The following HJV variants were observed in gnomAD, a reference collection of about 807,000 sequenced individuals.
The protein encoded by HJV is hemojuvelin.
In HJV, 18 loss-of-function variants were observed where a neutral mutation model predicts 22.7. That is an observed-to-expected ratio of 0.79 (90% CI 0.55 to 1.18). The LOEUF (loss-of-function observed/expected upper bound fraction) is 1.18, where lower values mean the gene tolerates loss of function less well. Among genes scored for constraint, HJV ranks in the 50% most tolerant of loss-of-function variants. HJV has a pLI of 0.00. For synonymous variants in HJV, 229 were observed against 222.7 expected (o/e 1.03, Z -0.25); for missense variants, 572 against 553.0 (o/e 1.03, Z -0.34).
rs1652608928 is a variant in HJV at position 146,019,864 on chromosome 1, C to T, written c.98-130G>A. The T allele has an allele frequency of 2.8e-6, 4 of 1,407,690 alleles. No homozygotes were observed. The South Asian group carries it at 4.8e-5, about 17-fold the overall frequency. 87.2% of individuals were successfully genotyped at this position (1,407,690 alleles called of 1,614,324 possible). On this transcript the variant is annotated intron_variant, in intron 2 of 3. Transcript: ENST00000336751. ...TTCCTAAAACCTAACTAAGGGCCTTCCCCAGCCCCCAACCCCCTAGTCCCT... is the reference window on the plus strand; with the variant it reads ...TTCCTAAAACCTAACTAAGGGCCTTTCCCAGCCCCCAACCCCCTAGTCCCT...
intron 1 of HJV, 141 bp downstream of exon 1, chr1:146,021,446 G>C (rs587702215): frequency 6.5e-6 from 1 of 152,824 alleles, no homozygotes; most frequent in East Asian, 1.9e-4. Flanking sequence ...GACAGAAAGA[G>C]AAATGGAGAT....
At position 146,019,543 on chromosome 1, in the gene HJV, A is replaced by C. The variant is rs1553769746; in HGVS notation, c.289T>G (p.Cys97Gly). Residue 97 changes from cysteine to glycine, a missense_variant, in exon 3 of 4, where the codon TGC becomes GGC. By Grantham distance (159) the Cys-to-Gly change is radical (BLOSUM62 -3). Coordinates refer to ENST00000336751, the MANE Select transcript of HJV (RefSeq NM_213653.4). The stretch of plus-strand genomic sequence containing the variant: ...GAATGGAAGGCGAGGTCCCCGCGGC[A>C]GGTGCGGGCGGTGCGCCGAGTGCAG... ...ALCTRRTART[C>G]RGDLAFHSAV... 1 of 1,613,056 alleles carries C rather than the reference A, an allele frequency of 6.2e-7. No individual in the cohort carries two copies.
chr1:146,020,283 C>G lies in HJV; in HGVS notation c.-52G>C. On this transcript the variant is annotated 5_prime_UTR_variant, in exon 2 of 4. Transcript: ENST00000336751. ...CCGGTTCTTCCCAGCTGATGACCCT[C>G]CTACCTAGTGAATTTTGACCGGAAG... 1 of 1,165,732 alleles carries G rather than the reference C, an allele frequency of 8.6e-7. No homozygotes were observed. Among genetic ancestry groups the G allele is most frequent in the Non-Finnish European group, 1.3e-6 (1 of 770,868 alleles). 72.2% of individuals were successfully genotyped at this position (1,165,732 alleles called of 1,614,324 possible).
At position 146,018,543 on chromosome 1, in the gene HJV, T is replaced by C. The variant is rs782080217; in HGVS notation, c.815A>G (p.Asn272Ser). 1 of 1,614,170 alleles carries C rather than the reference T, an allele frequency of 6.2e-7. No homozygotes were observed. Among genetic ancestry groups the C allele is most frequent in the Non-Finnish European group, 8.5e-7 (1 of 1,180,034 alleles). Residue 272 changes from asparagine (N) to serine (S), a missense_variant, in exon 4 of 4, where the codon AAC becomes AGC. Asn to Ser is a conservative substitution (Grantham distance 46). Transcript: ENST00000336751. ...GTAGGCAGCTTGGATCTCCACATGG[T>C]TCCCAGGGTTAGCAGTTTGAATCGA... ...SLSIQTANPGNHVEIQAAYIG... is the reference protein window; with the variant it reads ...SLSIQTANPGSHVEIQAAYIG...
In HJV at chr1:146,020,323, G is replaced by GA. The variant is rs2101986717; in HGVS notation, c.-89-4dup. 2.4e-6 allele frequency: 2 copies of GA among 830,660 alleles called. No individual in the cohort carries two copies. Among genetic ancestry groups the GA allele is most frequent in the South Asian group, 2.7e-5 (2 of 74,204 alleles). 51.5% of individuals were successfully genotyped at this position (830,660 alleles called of 1,614,324 possible). The stretch of plus-strand genomic sequence containing the variant: ...TTGACCGGAAGCCCTGTAAGTGACT[G>GA]AAAAAAGAAATTTGGCTGGACATGG... On this transcript the variant is annotated splice_region_variant and splice_polypyrimidine_tract_variant and intron_variant, in intron 1 of 3. Transcript: ENST00000336751.
rs999927971 is a variant in HJV, at chr1:146,019,319, C to G, written c.513G>C (p.Gly171=). 2.5e-6 allele frequency: 4 copies of G among 1,613,690 alleles called. No individual in the cohort carries two copies. In the African/African-American group the frequency reaches 4.0e-5, roughly 16 times the overall value. ...GGTGGAAGCTGCGCACATGGGGGTCCCCGAAGGAAGCGCAATGCAAGAACC... is the reference window on the plus strand; with the variant it reads ...GGTGGAAGCTGCGCACATGGGGGTCGCCGAAGGAAGCGCAATGCAAGAACC... ...PPGFLHCASF[G]DPHVRSFHHH... Residue 171 remains glycine (G), a synonymous_variant, in exon 3 of 4, where the codon GGG becomes GGC. Transcript: ENST00000336751.
chr1:146,019,642 C>T lies in HJV; in HGVS notation c.190G>A (p.Gly64Arg), dbSNP rs1652591882. 2 of 1,613,982 alleles carry T rather than the reference C, an allele frequency of 1.2e-6. No homozygotes were observed. The highest frequency in any genetic ancestry group is 1.7e-6 in the Non-Finnish European group (2 of 1,179,986). ...CCACCCCGGCCTCCTCCTCCTCCTC[C>T]TCGAAGTGCTCCTGATGAACCCCCA... ...RGGGSSGALR[G>R]GGGGGRGGGV... The change falls in exon 3 of 4, where the codon GGA becomes AGA. Residue 64 changes from glycine (G) to arginine (R), a missense_variant. Gly to Arg is a moderately radical substitution (Grantham distance 125, BLOSUM62 -2). Transcript: ENST00000336751.
chr1:146,019,591 G>A lies in HJV; in HGVS notation c.241C>T (p.Arg81Ter). 2.5e-6 allele frequency: 4 copies of A among 1,613,584 alleles called. No homozygotes were observed. The highest frequency in any genetic ancestry group is 2.5e-6 in the Non-Finnish European group (3 of 1,179,998). Residue 81 changes from arginine to a stop codon, truncating the protein, a stop_gained, in exon 3 of 4, where the codon CGA becomes TGA. Transcript: ENST00000336751. LOFTEE classifies it high-confidence loss of function. ...CAGAGCGCATAGGAGCGGAGGGCTC[G>A]ACAGAGGCCGCCAGAGCCCACCCCT... ...GGGVGSGGLC[R>*]ALRSYALCTR... is the part of the protein sequence containing the mutation.
Position 146,019,427 on chromosome 1 carries a change from A to G in HJV, c.405T>C (p.Leu135=), listed in dbSNP as rs1553769717. The G allele has an allele frequency of 6.2e-6, 10 of 1,612,304 alleles. No homozygotes were observed. The highest frequency in any genetic ancestry group is 8.5e-6 in the Non-Finnish European group (10 of 1,179,382). ...CAGGGAGGCCGGAGCCCGCGCCTGG[A>G]AGGGCGGGGCCCCGGGGCGGGGGAG... The part of the protein sequence containing the change: ...TAPPPPRGPA[L]PGAGSGLPAP... The change falls in exon 3 of 4, where the codon CTT becomes CTC. Residue 135 remains leucine, a synonymous_variant. Coordinates refer to ENST00000336751, the MANE Select transcript of HJV (RefSeq NM_213653.4).
At position 146,019,648 on chromosome 1, in the gene HJV, G is replaced by C. The variant is rs1553769780; in HGVS notation, c.184C>G (p.Leu62Val). 2.0e-5 allele frequency: 32 copies of C among 1,613,532 alleles called. No homozygotes were observed. Among genetic ancestry groups the C allele is most frequent in the Non-Finnish European group, 2.7e-5 (32 of 1,179,796 alleles). Residue 62 changes from leucine (L) to valine (V), a missense_variant, in exon 3 of 4, where the codon CTT becomes GTT. Physicochemically the swap from Leu to Val is conservative, Grantham distance 32. Coordinates refer to ENST00000336751, the MANE Select transcript of HJV (RefSeq NM_213653.4). The part of the protein sequence containing the change: ...SLRGGGSSGA[L>V]RGGGGGGRGG... ...CGGCCTCCTCCTCCTCCTCCTCGAA[G>C]TGCTCCTGATGAACCCCCACCTCTA... is the stretch of plus-strand genomic sequence containing the variant.
Position 146,018,609 on chromosome 1 carries a change from C to G in HJV, c.749G>C (p.Gly250Ala). The G allele has an allele frequency of 6.2e-7, 1 of 1,614,196 alleles. No homozygotes were observed. The highest frequency in any genetic ancestry group is 8.5e-7 in the Non-Finnish European group (1 of 1,180,004). The change falls in exon 4 of 4, where the codon GGT (glycine) becomes GCT (alanine). Residue 250 changes from glycine (G) to alanine (A), a missense_variant. By Grantham distance (60) the Gly-to-Ala change is moderately conservative. Transcript: ENST00000336751. ...VDNLPVAFED[G>A]SINGGDRPGG... ...AGGTCGGTCACCTCCATTGATAGAACCATCTTCAAAGGCTACAGGAAGATT... is the reference window on the plus strand; with the variant it reads ...AGGTCGGTCACCTCCATTGATAGAAGCATCTTCAAAGGCTACAGGAAGATT...
rs1553769435 is a variant in HJV at position 146,018,369 on chromosome 1, G to A, written c.989C>T (p.Ser330Leu). 1 of 1,614,066 alleles carries A rather than the reference G, an allele frequency of 6.2e-7. No homozygotes were observed. The highest frequency in any genetic ancestry group is 1.3e-5 in the African/African-American group (1 of 74,918). The part of the protein sequence containing the change: ...GCPPSQRLSR[S>L]ERNRRGAITI... The stretch of plus-strand genomic sequence containing the variant: ...TATAGCTCCCCGACGATTGCGCTCT[G>A]ATCGAGAGAGTCGCTGACTTGGAGG... Residue 330 changes from serine to leucine, a missense_variant, in exon 4 of 4, where the codon TCA (serine) becomes TTA (leucine). Coordinates refer to ENST00000336751, the MANE Select transcript of HJV (RefSeq NM_213653.4).
rs781930647 is a variant in HJV, at chr1:146,019,209, A to T, written c.623T>A (p.Met208Lys). The change falls in exon 3 of 4, where the codon ATG becomes AAG. Residue 208 changes from methionine to lysine, a missense_variant. Physicochemically the swap from Met to Lys is moderately conservative, Grantham distance 95 (BLOSUM62 -1). Transcript: ENST00000336751. Reference sequence around the variant, plus strand: ...GGCGGTAGCGTTGGCCCCCAACGCCATGGGGGAGCTGGTGGCTTGGACAAA... The same window carrying T: ...GGCGGTAGCGTTGGCCCCCAACGCCTTGGGGGAGCTGGTGGCTTGGACAAA... ...FLFVQATSSP[M>K]ALGANATATR... The T allele has an allele frequency of 6.2e-7, 1 of 1,613,998 alleles. No homozygotes were observed. Among genetic ancestry groups the T allele is most frequent in the African/African-American group, 1.3e-5 (1 of 74,932 alleles).
chr1:146,019,393 G>A lies in HJV; in HGVS notation c.439C>T (p.Pro147Ser), dbSNP rs941489205. The A allele has an allele frequency of 1.2e-6, 2 of 1,613,514 alleles. No individual in the cohort carries two copies. Among genetic ancestry groups the A allele is most frequent in the Admixed American group, 3.3e-5 (2 of 59,988 alleles). The change falls in exon 3 of 4, where the codon CCT (proline) becomes TCT (serine). Residue 147 changes from proline (P) to serine (S), a missense_variant. Coordinates refer to ENST00000336751, the MANE Select transcript of HJV (RefSeq NM_213653.4). ...GAAAACCGGCCTTCATAGTCACAAGGGTCCGGGGCAGGGAGGCCGGAGCCC... is the reference window on the plus strand; with the variant it reads ...GAAAACCGGCCTTCATAGTCACAAGAGTCCGGGGCAGGGAGGCCGGAGCCC... ...GAGSGLPAPD[P>S]CDYEGRFSRL...
intron 1 of HJV, among the ~76,000 whole-genome samples, chr1:146,020,816 C>T (rs587605503): frequency 2.0e-5 from 3 of 152,286 alleles, no homozygotes; most frequent in African/African-American, 7.2e-5. Context: ...ATACCCATCC[C>T]GTCTAGAATA....
chr1:146,018,873 C>T (rs782288194), intron 3 of HJV, among the ~76,000 whole-genome samples, 173 bp from the exon 4 acceptor site: 1 of 152,186 alleles, frequency 6.6e-6, no homozygotes, highest in Non-Finnish European at 1.5e-5. Flanking sequence ...CCCTACTTAA[C>T]CCCCTCTCTA....
At chr1:146,021,305 CG>C (rs1178573844) in intron 1 of HJV, among the ~76,000 whole-genome samples, 1 of 152,072 alleles carries the variant, frequency 6.6e-6, no homozygotes. Flanking sequence ...GAATAGAGGA[CG>C]TAGGGAACTC....
Position 146,020,177 on chromosome 1 carries a change from T to C in HJV, c.55A>G (p.Thr19Ala), listed in dbSNP as rs781981862. 3.1e-6 allele frequency: 5 copies of C among 1,613,180 alleles called. No homozygotes were observed. The East Asian group carries it at 8.9e-5, about 29-fold the overall frequency. ...SPRSSHGSPP[T>A]LSTLTLLLLL... ...AGCAGGAGAGTGAGAGTGCTTAGAG[T>C]TGGGGGACTGCCATGGGAGGACCTG... Residue 19 changes from threonine to alanine, a missense_variant, in exon 2 of 4, where the codon ACT becomes GCT. Coordinates refer to ENST00000336751, the MANE Select transcript of HJV (RefSeq NM_213653.4).
chr1:146,020,204 G>A lies in HJV; in HGVS notation c.28C>T (p.Pro10Ser), dbSNP rs1652637741. ...GGGGGACTGCCATGGGAGGACCTGG[G>A]ACTAGGGGACTGGCCTGGCTCCCCC... Reference protein sequence around the residue: MGEPGQSPSPRSSHGSPPTL... With the variant: MGEPGQSPSSRSSHGSPPTL... The change falls in exon 2 of 4, where the codon CCC (proline) becomes TCC (serine). Residue 10 changes from proline to serine, a missense_variant. Transcript: ENST00000336751. The A allele has an allele frequency of 6.2e-7, 1 of 1,613,128 alleles. No individual in the cohort carries two copies. The highest frequency in any genetic ancestry group is 1.3e-5 in the African/African-American group (1 of 74,890).
Sources: allele counts gnomAD v4.1 joint callset (sites outside exome capture counted in the v4.1 genomes callset), GRCh38; gene constraint gnomAD v4.1.1; transcripts MANE v1.5; gene names NCBI Gene and HGNC (gene_info 2026-07-23, HGNC 2026-07-21).